KAZN: variants seen among roughly 807,000 people sequenced by gnomAD.
The protein encoded by KAZN is kazrin, periplakin interacting protein, also known as kazrin.
KAZN carries 40 observed loss-of-function variants against 87.4 expected under a neutral mutation model. That is an observed-to-expected ratio of 0.46 (90% confidence interval 0.36 to 0.60). KAZN has a LOEUF of 0.60. Ranked by LOEUF, KAZN falls within the 20% of genes least tolerant of loss-of-function variation. KAZN has a pLI of 0.00. For synonymous variants in KAZN, 466 were observed against 458.3 expected, an observed-to-expected ratio of 1.02 and a Z score of -0.22; for missense variants, 898 against 1,073.9, an observed-to-expected ratio of 0.84 and a Z score of 2.29.
chr1:14,233,400 G>T (rs1027963520), intron 2 of KAZN, among the ~76,000 whole-genome samples: 3 of 152,116 alleles, frequency 2.0e-5, no homozygotes, highest in Non-Finnish European at 2.9e-5. Context: ...CTCCCAAAGC[G>T]CTGGGATTGC....
intron 3 of KAZN, 48 bp from the exon 4 acceptor site, chr1:15,043,941 G>A (rs371856731): frequency 6.5e-5 from 101 of 1,542,242 alleles, no homozygotes; most frequent in East Asian, 2.3e-5. Context: ...GGGCCAGGAG[G>A]AGCCTGGCTG....
intron 1 of KAZN, among the ~76,000 whole-genome samples, chr1:13,911,451 C>A (rs1639648835): frequency 1.3e-5 from 2 of 152,224 alleles, no homozygotes; most frequent in South Asian, 4.1e-4. Context: ...ATGACCCAAA[C>A]ACCTCTTACC....
At chr1:14,615,769 C>T (rs898357619) in intron 1 of KAZN, among the ~76,000 whole-genome samples, 3 of 152,176 alleles carry the variant, frequency 2.0e-5, no homozygotes, top group African/African-American at 7.2e-5. Context: ...CGGGAAGTGG[C>T]GTAGGAACTG....
chr1:14,311,671 T>C (rs1372358852), intron 2 of KAZN, among the ~76,000 whole-genome samples: 1 of 152,158 alleles, frequency 6.6e-6, no homozygotes, highest in African/African-American at 2.4e-5. Flanking sequence ...AGTGGTTCTG[T>C]TAATAGTACT....
At chr1:14,947,685 C>CAGCCCCCT (rs1661995183) in intron 1 of KAZN, among the ~76,000 whole-genome samples, 1 of 152,078 alleles carries the variant, frequency 6.6e-6, no homozygotes, top group African/African-American at 2.4e-5. Context: ...TTGAACAAAC[C>CAGCCCCCT]TGTTGAAGCC....
intron 2 of KAZN, among the ~76,000 whole-genome samples, chr1:14,197,994 G>A (rs1237311136): frequency 2.9e-5 from 4 of 139,628 alleles, no homozygotes; most frequent in Non-Finnish European, 6.1e-5. Flanking sequence ...CAGGACCACC[G>A]GGTTCCACTC....
chr1:15,107,628 A>AATTGGCAAAGG (rs777329475), intron 13 of KAZN, among the ~76,000 whole-genome samples: 77 of 152,352 alleles, frequency 5.1e-4, no homozygotes, highest in Non-Finnish European at 8.7e-4. Flanking sequence ...TGCATAAAGC[A>AATTGGCAAAGG]ATTGGCAAAG....
chr1:14,121,036 G>A (rs1347589966), intron 1 of KAZN, among the ~76,000 whole-genome samples: 1 of 152,150 alleles, frequency 6.6e-6, no homozygotes, highest in Non-Finnish European at 1.5e-5. Flanking sequence ...TTGGCACTAT[G>A]AGGCAAGAGC....
intron 1 of KAZN, among the ~76,000 whole-genome samples, chr1:13,988,696 T>C (rs1475743956): frequency 6.6e-6 from 1 of 152,162 alleles, no homozygotes; most frequent in Non-Finnish European, 1.5e-5. Context: ...GGAATGGGCT[T>C]GGTGAGCATG....
intron 1 of KAZN, among the ~76,000 whole-genome samples, chr1:14,809,795 G>A (rs1193966690): frequency 6.6e-6 from 1 of 152,156 alleles, no homozygotes; most frequent in Non-Finnish European, 1.5e-5. Context: ...GTGGCTGGGA[G>A]GCTTGCAGTC....
At chr1:14,389,968 C>T (rs775631046) in intron 2 of KAZN, among the ~76,000 whole-genome samples, 52 of 152,084 alleles carry the variant, frequency 3.4e-4, no homozygotes, top group Non-Finnish European at 6.9e-4. Flanking sequence ...AGCTCATGGA[C>T]CCCATAAATA....
chr1:15,015,647 G>C (rs1670011496), intron 2 of KAZN, among the ~76,000 whole-genome samples: 1 of 152,148 alleles, frequency 6.6e-6, no homozygotes, highest in Admixed American at 6.5e-5. Context: ...CAAACCGTCA[G>C]CATGGGCAGG....
intron 1 of KAZN, among the ~76,000 whole-genome samples, chr1:14,607,058 G>A (rs10754863): frequency 0.73 from 111,689 of 151,980 alleles, 41,548 homozygotes; most frequent in Non-Finnish European, 0.8. Context: ...CATAATGTAA[G>A]AGCTCAGTAA....
chr1:15,110,109 TTG>T (rs372644563), intron 13 of KAZN, among the ~76,000 whole-genome samples: 3 of 144,066 alleles, frequency 2.1e-5, no homozygotes, highest in African/African-American at 2.5e-5. Context: ...ATGTGCGTAT[TTG>T]TGTGTGTATT....
At chr1:14,714,530 G>A (rs1383003101) in intron 1 of KAZN, among the ~76,000 whole-genome samples, 1 of 152,182 alleles carries the variant, frequency 6.6e-6, no homozygotes, top group African/African-American at 2.4e-5. Flanking sequence ...GGTTGGGAAT[G>A]TTTGTGGAGA....
intron 8 of KAZN, among the ~76,000 whole-genome samples, chr1:15,089,404 G>A (rs1381996860): frequency 1.3e-5 from 2 of 151,858 alleles, no homozygotes; most frequent in Non-Finnish European, 2.9e-5. Flanking sequence ...TTTCTGCCCT[G>A]CCAGGCTGGA....
intron 1 of KAZN, among the ~76,000 whole-genome samples, chr1:14,634,788 G>A (rs889244804): frequency 3.3e-5 from 5 of 152,152 alleles, no homozygotes; most frequent in Non-Finnish European, 5.9e-5. Context: ...TGCACAGTCC[G>A]TTTTTCTTCT....
At position 14,474,628 on chromosome 1, in the gene KAZN, C is replaced by T. The variant is rs1668622427; in HGVS notation, c.250-124355C>T. On this transcript the variant is annotated intron_variant, in intron 2 of 16. Transcript: ENST00000636203. ...TCTTAAAACTTTTATTGGAGTTTTA[C>T]TTTAAATACAATGACAATATATTTA... 2.0e-5 allele frequency among the ~76,000 whole-genome samples: 3 copies of T among 152,180 alleles called. No individual in the cohort carries two copies. In the South Asian group the frequency reaches 6.2e-4, roughly 32 times the overall value.
intron 1 of KAZN, among the ~76,000 whole-genome samples, chr1:14,668,817 A>G (rs1297956914): frequency 1.3e-5 from 2 of 152,218 alleles, no homozygotes; most frequent in Non-Finnish European, 2.9e-5. Context: ...GAATAGGTGC[A>G]TGCTAATGGC....
Sources: allele counts gnomAD v4.1 joint callset (sites outside exome capture counted in the v4.1 genomes callset), GRCh38; gene constraint gnomAD v4.1.1; transcripts MANE v1.5; gene names NCBI Gene and HGNC (gene_info 2026-07-23, HGNC 2026-07-21).